GPR27: variants seen among roughly 807,000 people sequenced by gnomAD.
GPR27 encodes the protein G protein-coupled receptor 27, also known as probable G protein-coupled receptor 27.
Under a neutral mutation model 2.4 loss-of-function variants are expected in GPR27, and 3 were observed. That is an observed-to-expected ratio of 1.23 (90% CI 0.56 to 3.18). The LOEUF is 3.18. Ranked by LOEUF, GPR27 falls within the 30% of genes most tolerant of loss-of-function variation. GPR27 has a pLI of 0.03. For missense variants in GPR27, 526 were observed against 566.1 expected, an observed-to-expected ratio of 0.93 and a Z score of 0.72; for synonymous variants, 367 against 296.4, an observed-to-expected ratio of 1.24 and a Z score of -2.45.
rs1578400879 is a variant in GPR27, at chr3:71,755,372, G to C, written c.*195G>C. The C allele has an allele frequency of 5.2e-6, 3 of 581,576 alleles. No individual in the cohort carries two copies. Among genetic ancestry groups the C allele is most frequent in the Admixed American group, 6.2e-5 (2 of 32,398 alleles). The allele number at this position is 581,576 out of a possible 1,614,324, so 36.0% of individuals were successfully genotyped here. A position where few individuals can be genotyped will look rare whatever the true frequency, so the allele number is the denominator to read the frequency against. ...GGAGTAGGATGCTCAGCCCACTCCA[G>C]CTCCGCACATTCGTCCTCCTAACTC... On this transcript the variant is annotated 3_prime_UTR_variant, in exon 1 of 1. Transcript: ENST00000304411.
In GPR27 at chr3:71,754,550, G is replaced by C; in HGVS notation, c.501G>C (p.Glu167Asp). The C allele has an allele frequency of 7.4e-7, 1 of 1,357,914 alleles. No homozygotes were observed. Among genetic ancestry groups the C allele is most frequent in the South Asian group, 1.6e-5 (1 of 61,048 alleles). The allele number at this position is 1,357,914 out of a possible 1,614,324, so 84.1% of individuals were successfully genotyped here. A position where few individuals can be genotyped will look rare whatever the true frequency, so the allele number is the denominator to read the frequency against. The change falls in exon 1 of 1, where the codon GAG becomes GAC. Residue 167 changes from glutamate (E) to aspartate (D), a missense_variant. Physicochemically the swap from Glu to Asp is conservative, Grantham distance 45 (BLOSUM62 2). Transcript: ENST00000304411. This position sits in a 1 kb window ranked among gnomAD's most constrained non-coding sequence, Gnocchi z 5.8. ...PPVLDGGGDD[E>D]DAPCALEQRP... Reference sequence around the variant, plus strand: ...TGCTGGACGGCGGTGGCGACGACGAGGACGCGCCGTGCGCCCTGGAGCAGC... The same window carrying C: ...TGCTGGACGGCGGTGGCGACGACGACGACGCGCCGTGCGCCCTGGAGCAGC...
At position 71,754,829 on chromosome 3, in the gene GPR27, C is replaced by G; in HGVS notation, c.780C>G (p.Pro260=). 1 of 1,562,830 alleles carries G rather than the reference C, an allele frequency of 6.4e-7. No homozygotes were observed. Among genetic ancestry groups the G allele is most frequent in the Non-Finnish European group, 8.7e-7 (1 of 1,155,458 alleles). ...PTPPALVGIR[P]AGPGRGARRL... is the part of the protein sequence containing the mutation. ...CGCCCGCGCTTGTGGGCATCCGGCCCGCAGGGCCGGGCCGCGGCGCGCGCC... is the reference window on the plus strand; with the variant it reads ...CGCCCGCGCTTGTGGGCATCCGGCCGGCAGGGCCGGGCCGCGGCGCGCGCC... The change falls in exon 1 of 1, where the codon CCC becomes CCG. Residue 260 remains proline, a synonymous_variant. Coordinates refer to ENST00000304411, the MANE Select transcript of GPR27 (RefSeq NM_018971.3). This position sits in a 1 kb window ranked among gnomAD's most constrained non-coding sequence, Gnocchi z 5.8.
In GPR27 at chr3:71,754,470, G is replaced by A; in HGVS notation, c.421G>A (p.Ala141Thr). Residue 141 changes from alanine (A) to threonine (T), a missense_variant, in exon 1 of 1, where the codon GCC (alanine) becomes ACC (threonine). By Grantham distance (58) the Ala-to-Thr change is moderately conservative. Transcript: ENST00000304411. This position sits in a 1 kb window ranked among gnomAD's most constrained non-coding sequence, Gnocchi z 5.8. Reference protein sequence around the residue: ...AERLAGWPCAAMLVCAAWALA... With the variant: ...AERLAGWPCATMLVCAAWALA... Reference sequence around the variant, plus strand: ...GCGCCTGGCCGGCTGGCCGTGCGCCGCCATGCTGGTGTGCGCCGCCTGGGC... The same window carrying A: ...GCGCCTGGCCGGCTGGCCGTGCGCCACCATGCTGGTGTGCGCCGCCTGGGC... 2.3e-6 allele frequency: 3 copies of A among 1,326,624 alleles called. No homozygotes were observed. Among genetic ancestry groups the A allele is most frequent in the South Asian group, 1.9e-5 (1 of 52,704 alleles). The allele number at this position is 1,326,624 out of a possible 1,614,324, so 82.2% of individuals were successfully genotyped here. A position where few individuals can be genotyped will look rare whatever the true frequency, so the allele number is the denominator to read the frequency against.
Position 71,754,540 on chromosome 3 carries a change from GCGA to G in GPR27, c.498_500del (p.Asp166del), listed in dbSNP as rs1417137111. The G allele has an allele frequency of 3.0e-6, 4 of 1,347,220 alleles. No individual in the cohort carries two copies. The highest frequency in any genetic ancestry group is 1.7e-5 in the South Asian group (1 of 58,662). 83.5% of individuals were successfully genotyped at this position (1,347,220 alleles called of 1,614,324 possible). A position where few individuals can be genotyped will look rare whatever the true frequency, so the allele number is the denominator to read the frequency against. ...TTCCCGCCAGTGCTGGACGGCGGTG[GCGA>G]CGACGAGGACGCGCCGTGCGCCCTG... is the stretch of plus-strand genomic sequence containing the variant. On this transcript the variant is annotated inframe_deletion, in exon 1 of 1. Transcript: ENST00000304411. This position sits in a 1 kb window ranked among gnomAD's most constrained non-coding sequence, Gnocchi z 5.8.
rs1337534625 is a variant in GPR27 at position 71,754,456 on chromosome 3, G to A, written c.407G>A (p.Gly136Asp). 4 of 1,335,074 alleles carry A rather than the reference G, an allele frequency of 3.0e-6. No homozygotes were observed. The highest frequency in any genetic ancestry group is 3.0e-5 in the Admixed American group (1 of 33,604). The allele number at this position is 1,335,074 out of a possible 1,614,324, so 82.7% of individuals were successfully genotyped here. A position where few individuals can be genotyped will look rare whatever the true frequency, so the allele number is the denominator to read the frequency against. Reference protein sequence around the residue: ...HHRFYAERLAGWPCAAMLVCA... With the variant: ...HHRFYAERLADWPCAAMLVCA... ...CGCTTCTATGCAGAGCGCCTGGCCG[G>A]CTGGCCGTGCGCCGCCATGCTGGTG... The change falls in exon 1 of 1, where the codon GGC becomes GAC. Residue 136 changes from glycine (G) to aspartate (D), a missense_variant. Gly to Asp is a moderately conservative substitution (Grantham distance 94). Around this residue, in one of 3 missense-constraint regions of GPR27, gnomAD observed 312 missense variants for 318.4 expected, o/e 0.98. Coordinates refer to ENST00000304411, the MANE Select transcript of GPR27 (RefSeq NM_018971.3). The surrounding 1 kb of genome is among the most constrained non-coding windows in gnomAD (Gnocchi z 5.8).
In GPR27 at chr3:71,755,249, C is replaced by T. The variant is rs775749172; in HGVS notation, c.*72C>T. The T allele has an allele frequency of 2.5e-6, 3 of 1,211,846 alleles. No homozygotes were observed. In the African/African-American group the frequency reaches 4.6e-5, roughly 18 times the overall value. 75.1% of individuals were successfully genotyped at this position (1,211,846 alleles called of 1,614,324 possible). Reference sequence around the variant, plus strand: ...TCGGACGGTGACGTTGTATCTTTTCCTTCTGGCCCCTGTTTAATTTTCTAA... The same window carrying T: ...TCGGACGGTGACGTTGTATCTTTTCTTTCTGGCCCCTGTTTAATTTTCTAA... On this transcript the variant is annotated 3_prime_UTR_variant, in exon 1 of 1. Transcript: ENST00000304411.
Position 71,755,186 on chromosome 3 carries a change from C to G in GPR27, c.*9C>G. 1 of 1,579,522 alleles carries G rather than the reference C, an allele frequency of 6.3e-7. No individual in the cohort carries two copies. Among genetic ancestry groups the G allele is most frequent in the Non-Finnish European group, 8.6e-7 (1 of 1,165,110 alleles). ...AAGGCATTGGTTTATGAGGGAGGCC[C>G]CGCCACATAGACCCCCAACCCAGCC... On this transcript the variant is annotated 3_prime_UTR_variant, in exon 1 of 1. Transcript: ENST00000304411.
chr3:71,754,909 A>G lies in GPR27; in HGVS notation c.860A>G (p.Tyr287Cys). The part of the protein sequence containing the change: ...KTEKRLCKMF[Y>C]AVTLLFLLLW... The stretch of plus-strand genomic sequence containing the variant: ...GAGAAGAGGCTGTGCAAGATGTTCT[A>G]CGCCGTCACGCTGCTCTTCCTGCTC... Residue 287 changes from tyrosine (Y) to cysteine (C), a missense_variant, in exon 1 of 1, where the codon TAC (tyrosine) becomes TGC (cysteine). Coordinates refer to ENST00000304411, the MANE Select transcript of GPR27 (RefSeq NM_018971.3). The surrounding 1 kb of genome is among the most constrained non-coding windows in gnomAD (Gnocchi z 5.8). The G allele has an allele frequency of 1.2e-6, 2 of 1,613,036 alleles. No homozygotes were observed. The highest frequency in any genetic ancestry group is 1.7e-6 in the Non-Finnish European group (2 of 1,179,680).
At position 71,754,523 on chromosome 3, in the gene GPR27, A is replaced by G. The variant is rs1332599951; in HGVS notation, c.474A>G (p.Pro158=). 1.5e-6 allele frequency: 2 copies of G among 1,312,992 alleles called. No individual in the cohort carries two copies. The highest frequency in any genetic ancestry group is 9.7e-7 in the Non-Finnish European group (1 of 1,032,294). 81.3% of individuals were successfully genotyped at this position (1,312,992 alleles called of 1,614,324 possible). A position where few individuals can be genotyped will look rare whatever the true frequency, so the allele number is the denominator to read the frequency against. The part of the protein sequence containing the change: ...WALALAAAFP[P]VLDGGGDDED... ...TGGCGCTGGCCGCGGCCTTCCCGCC[A>G]GTGCTGGACGGCGGTGGCGACGACG... The change falls in exon 1 of 1, where the codon CCA becomes CCG. Residue 158 remains proline (P), a synonymous_variant. Coordinates refer to ENST00000304411, the MANE Select transcript of GPR27 (RefSeq NM_018971.3). The surrounding 1 kb of genome is among the most constrained non-coding windows in gnomAD (Gnocchi z 5.8).
In GPR27 at chr3:71,754,185, G is replaced by A. The variant is rs375707207; in HGVS notation, c.136G>A (p.Glu46Lys). The change falls in exon 1 of 1, where the codon GAG becomes AAG. Residue 46 changes from glutamate to lysine, a missense_variant. Physicochemically the swap from Glu to Lys is moderately conservative, Grantham distance 56. This residue lies in a region of GPR27 where 312 missense variants were observed against 318.4 expected (regional missense o/e 0.98). Coordinates refer to ENST00000304411, the MANE Select transcript of GPR27 (RefSeq NM_018971.3). The surrounding 1 kb of genome is among the most constrained non-coding windows in gnomAD (Gnocchi z 5.8). Reference sequence around the variant, plus strand: ...GCTGTTCGCGCTGCTGATCGTGCGGGAGCGCAGCCTGCACCGCGCCCCGTA... The same window carrying A: ...GCTGTTCGCGCTGCTGATCGTGCGGAAGCGCAGCCTGCACCGCGCCCCGTA... ...NVLFALLIVRERSLHRAPYYL... is the reference protein window; with the variant it reads ...NVLFALLIVRKRSLHRAPYYL... 309 of 1,438,076 alleles carry A rather than the reference G, an allele frequency of 2.1e-4. 1 individual carries two copies. Among genetic ancestry groups the A allele is most frequent in the Non-Finnish European group, 2.8e-4 (300 of 1,083,768 alleles). 89.1% of individuals were successfully genotyped at this position (1,438,076 alleles called of 1,614,324 possible).
chr3:71,755,440 G>T lies in GPR27; in HGVS notation c.*263G>T. The T allele has an allele frequency of 2.1e-6, 1 of 469,822 alleles. No individual in the cohort carries two copies. The highest frequency in any genetic ancestry group is 3.8e-6 in the Non-Finnish European group (1 of 265,642). 29.1% of individuals were successfully genotyped at this position (469,822 alleles called of 1,614,324 possible). ...TAGGCCCTGCAGTCTTTTTGTAGCG[G>T]TACTGACGTCTTTTATTCCATGTGT... On this transcript the variant is annotated 3_prime_UTR_variant, in exon 1 of 1. Coordinates refer to ENST00000304411, the MANE Select transcript of GPR27 (RefSeq NM_018971.3).
chr3:71,756,318 T>G lies in GPR27; in HGVS notation c.*1141T>G, dbSNP rs939001185. 7 of 152,228 alleles carry G rather than the reference T, an allele frequency of 4.6e-5. No individual in the cohort carries two copies. The highest frequency in any genetic ancestry group is 7.3e-5 in the Non-Finnish European group (5 of 68,042). 9.4% of individuals were successfully genotyped at this position (152,228 alleles called of 1,614,324 possible). On this transcript the variant is annotated 3_prime_UTR_variant, in exon 1 of 1. Transcript: ENST00000304411. The stretch of plus-strand genomic sequence containing the variant: ...TTAAATTAATAATGAGAACTATAAT[T>G]TAAATAATATTTCTTTGTTAGACAT...
chr3:71,755,122 GC>G lies in GPR27; in HGVS notation c.1078del (p.Arg360GlyfsTer11). 4 of 1,609,624 alleles carry G rather than the reference GC, an allele frequency of 2.5e-6. No homozygotes were observed. ...AGGGCCCAGTTCCCCTGCTGCCAGA[GC>G]CCCCGGACCACCCAGGCGACCCATC... ...CFRAQFPCCQ[S>X]PRTTQATHPC... On this transcript the variant is annotated frameshift_variant, in exon 1 of 1. Transcript: ENST00000304411. LOFTEE classifies it high-confidence loss of function.
Position 71,754,705 on chromosome 3 carries a change from TG to T in GPR27, c.658del (p.Val220CysfsTer101). On this transcript the variant is annotated frameshift_variant, in exon 1 of 1. Transcript: ENST00000304411. LOFTEE classifies it low-confidence loss of function (END_TRUNC). The surrounding 1 kb of genome is among the most constrained non-coding windows in gnomAD (Gnocchi z 5.8). Reference sequence around the variant, plus strand: ...CGCCGCAAGATGCGGCCCGCGCGCCTGGTGCCCGCCGTCAGCCACGACTGGA... The same window carrying T: ...CGCCGCAAGATGCGGCCCGCGCGCCTGTGCCCGCCGTCAGCCACGACTGGA... ...HDRRKMRPARLVPAVSHDWTF... is the reference protein window; with the variant it reads ...HDRRKMRPARXVPAVSHDWTF... 1 of 1,465,164 alleles carries T rather than the reference TG, an allele frequency of 6.8e-7. No individual in the cohort carries two copies. 90.8% of individuals were successfully genotyped at this position (1,465,164 alleles called of 1,614,324 possible). A position where few individuals can be genotyped will look rare whatever the true frequency, so the allele number is the denominator to read the frequency against.
In GPR27 at chr3:71,754,395, G is replaced by A. The variant is rs56266502; in HGVS notation, c.346G>A (p.Val116Met). ...CCACGCCGCCTTCCTGCTGCTGGGC[G>A]TGGGCGTCACCCGCTACCTGGCCAT... ...CFHAAFLLLG[V>M]GVTRYLAIAH... Residue 116 changes from valine (V) to methionine (M), a missense_variant, in exon 1 of 1, where the codon GTG becomes ATG. Val to Met is a conservative substitution (Grantham distance 21). Transcript: ENST00000304411. The surrounding 1 kb of genome is among the most constrained non-coding windows in gnomAD (Gnocchi z 5.8). 2 of 1,346,918 alleles carry A rather than the reference G, an allele frequency of 1.5e-6. No individual in the cohort carries two copies. Among genetic ancestry groups the A allele is most frequent in the Non-Finnish European group, 1.9e-6 (2 of 1,040,202 alleles). 83.4% of individuals were successfully genotyped at this position (1,346,918 alleles called of 1,614,324 possible).
chr3:71,754,095 G>A lies in GPR27; in HGVS notation c.46G>A (p.Ala16Thr), dbSNP rs1424679165. The change falls in exon 1 of 1, where the codon GCC (alanine) becomes ACC (threonine). Residue 16 changes from alanine (A) to threonine (T), a missense_variant. Coordinates refer to ENST00000304411, the MANE Select transcript of GPR27 (RefSeq NM_018971.3). This position sits in a 1 kb window ranked among gnomAD's most constrained non-coding sequence, Gnocchi z 5.8. ...GGGTGGCAGCGGCGGCGGCGAGGCG[G>A]CCGCCCTGGGCCTCAAGCTGGCCAC... ...EPGGSGGGEA[A>T]ALGLKLATLS... 1 of 1,361,760 alleles carries A rather than the reference G, an allele frequency of 7.3e-7. No individual in the cohort carries two copies. Among genetic ancestry groups the A allele is most frequent in the Non-Finnish European group, 9.5e-7 (1 of 1,047,550 alleles). 84.4% of individuals were successfully genotyped at this position (1,361,760 alleles called of 1,614,324 possible).
rs765869668 is a variant in GPR27, at chr3:71,754,826, G to C, written c.777G>C (p.Arg259=). The C allele has an allele frequency of 1.0e-4, 154 of 1,546,596 alleles. No individual in the cohort carries two copies. The highest frequency in any genetic ancestry group is 1.3e-4 in the Non-Finnish European group (149 of 1,146,874). ...CGCCGCCCGCGCTTGTGGGCATCCG[G>C]CCCGCAGGGCCGGGCCGCGGCGCGC... ...GPTPPALVGI[R]PAGPGRGARR... Residue 259 remains arginine, a synonymous_variant, in exon 1 of 1, where the codon CGG becomes CGC. Coordinates refer to ENST00000304411, the MANE Select transcript of GPR27 (RefSeq NM_018971.3). This position sits in a 1 kb window ranked among gnomAD's most constrained non-coding sequence, Gnocchi z 5.8.
chr3:71,754,086 G>A lies in GPR27; in HGVS notation c.37G>A (p.Gly13Ser), dbSNP rs1578399374. 2.2e-6 allele frequency: 3 copies of A among 1,337,568 alleles called. No homozygotes were observed. The highest frequency in any genetic ancestry group is 2.9e-6 in the Non-Finnish European group (3 of 1,033,314). 82.9% of individuals were successfully genotyped at this position (1,337,568 alleles called of 1,614,324 possible). The change falls in exon 1 of 1, where the codon GGC (glycine) becomes AGC (serine). Residue 13 changes from glycine (G) to serine (S), a missense_variant. By Grantham distance (56) the Gly-to-Ser change is moderately conservative (BLOSUM62 0). Around this residue, in one of 3 missense-constraint regions of GPR27, gnomAD observed 312 missense variants for 318.4 expected, o/e 0.98. Transcript: ENST00000304411. The surrounding 1 kb of genome is among the most constrained non-coding windows in gnomAD (Gnocchi z 5.8). Reference sequence around the variant, plus strand: ...GAGCGAGCCGGGTGGCAGCGGCGGCGGCGAGGCGGCCGCCCTGGGCCTCAA... The same window carrying A: ...GAGCGAGCCGGGTGGCAGCGGCGGCAGCGAGGCGGCCGCCCTGGGCCTCAA... ...NASEPGGSGG[G>S]EAAALGLKLA...
Position 71,756,331 on chromosome 3 carries a change from C to A in GPR27, c.*1154C>A, listed in dbSNP as rs925460547. ...GAGAACTATAATTTAAATAATATTT[C>A]TTTGTTAGACATTATAATGTTAAAC... On this transcript the variant is annotated 3_prime_UTR_variant, in exon 1 of 1. Transcript: ENST00000304411. 1 of 151,848 alleles carries A rather than the reference C, an allele frequency of 6.6e-6. No homozygotes were observed. Among genetic ancestry groups the A allele is most frequent in the Non-Finnish European group, 1.5e-5 (1 of 68,024 alleles). 9.4% of individuals were successfully genotyped at this position (151,848 alleles called of 1,614,324 possible). A position where few individuals can be genotyped will look rare whatever the true frequency, so the allele number is the denominator to read the frequency against.
Sources: gnomAD v4.1 joint callset for allele counts on GRCh38, gnomAD v4.1.1 for gene constraint, gnomAD v4.1.1 regional missense constraint, Gnocchi (gnomAD v3.1) non-coding constraint, MANE v1.5 for transcripts, NCBI Gene and HGNC (gene_info 2026-07-23, HGNC 2026-07-21) for gene names.